The following RBFOX3 variants were observed in gnomAD, a reference collection of about 807,000 sequenced individuals.
RBFOX3 encodes the protein RNA binding protein fox-1 homolog 3.
A neutral mutation model predicts 48.7 loss-of-function variants in RBFOX3; 17 were observed. The ratio of observed to expected loss-of-function variants is 0.35; its 90% CI spans 0.24 to 0.52. The LOEUF (loss-of-function observed/expected upper bound fraction) is 0.52, where lower values mean the gene tolerates loss of function less well. RBFOX3 is among the 20% of genes least tolerant of loss of function. RBFOX3 has a pLI of 0.94. For missense variants in RBFOX3, 382 were observed against 497.5 expected (o/e 0.77, Z 2.21); for synonymous variants, 212 against 209.5 (o/e 1.01, Z -0.10).
chr17:79,095,978 A>G (rs1465651425), intron 12 of RBFOX3, among the ~76,000 whole-genome samples: 1 of 152,212 alleles, frequency 6.6e-6, no homozygotes, highest in Non-Finnish European at 1.5e-5. Context: ...CCTGACTTGG[A>G]TGCTGAGGGG....
intron 2 of RBFOX3, among the ~76,000 whole-genome samples, chr17:79,401,128 G>A (rs1302810017): frequency 1.3e-5 from 2 of 152,238 alleles, no homozygotes; most frequent in Non-Finnish European, 2.9e-5. Context: ...CGCTTCTGGA[G>A]CTGCTTCTAG....
the RBFOX3 span, among the ~76,000 whole-genome samples, chr17:79,640,712 C>T: frequency 1.3e-5 from 2 of 152,148 alleles, no homozygotes; most frequent in Non-Finnish European, 2.9e-5. Context: ...AAAGGCTAAT[C>T]TCTTTAATAA....
At chr17:79,644,115 T>C in the RBFOX3 span, among the ~76,000 whole-genome samples, 2 of 152,174 alleles carry the variant, frequency 1.3e-5, no homozygotes, top group Admixed American at 1.3e-4. Flanking sequence ...GAGATGGACA[T>C]ATTTCTGAAA....
chr17:79,475,460 C>G (rs962867433), intron 2 of RBFOX3, among the ~76,000 whole-genome samples: 1 of 152,146 alleles, frequency 6.6e-6, no homozygotes, highest in Non-Finnish European at 1.5e-5. Context: ...GTTCATCTTC[C>G]TCCCTGGCAG....
chr17:79,097,608 TCA>T lies in RBFOX3; in HGVS notation c.622+82_622+83del. 11 of 488,884 alleles carry T rather than the reference TCA, an allele frequency of 2.3e-5. No homozygotes were observed. In the Admixed American group the frequency reaches 3.2e-4, roughly 14 times the overall value. The allele number at this position is 488,884 out of a possible 1,614,324, so 30.3% of individuals were successfully genotyped here. ...GGGACGGCCCACCTGGCCCCGCCCC[TCA>T]TGCCCCGCCCCCAGAGCCCCCGGAG... On this transcript the variant is annotated intron_variant, in intron 10 of 14. Coordinates refer to ENST00000693108, the MANE Select transcript of RBFOX3 (RefSeq NM_001350451.2).
At chr17:79,165,515 G>A (rs1000413977) in intron 4 of RBFOX3, among the ~76,000 whole-genome samples, 1 of 152,166 alleles carries the variant, frequency 6.6e-6, no homozygotes, top group African/African-American at 2.4e-5. Context: ...GGCAGAGCTG[G>A]CAGGTGCACA....
chr17:79,102,164 C>T lies in RBFOX3; in HGVS notation c.508-520G>A, dbSNP rs183980142. Among the ~76,000 whole-genome samples the T allele has an allele frequency of 2.5e-3, 382 of 152,316 alleles. 6 individuals are homozygous for T. Among genetic ancestry groups the T allele is most frequent in the Middle Eastern group, 0.01 (3 of 294 alleles). On this transcript the variant is annotated intron_variant, in intron 8 of 14. Transcript: ENST00000693108. ...CCCGTGTGCCCCTGGAGGACGAGGCCGACAGGGAGGGGGGCTCTGGGCACG... is the reference window on the plus strand; with the variant it reads ...CCCGTGTGCCCCTGGAGGACGAGGCTGACAGGGAGGGGGGCTCTGGGCACG...
At chr17:79,542,538 C>A (rs1234261111) in intron 1 of RBFOX3, among the ~76,000 whole-genome samples, 1 of 152,166 alleles carries the variant, frequency 6.6e-6, no homozygotes, top group Non-Finnish European at 1.5e-5. Context: ...AATCCCAGCA[C>A]TCTGGGAGGC....
At chr17:79,403,575 T>C (rs1466121642) in intron 2 of RBFOX3, among the ~76,000 whole-genome samples, 1 of 152,160 alleles carries the variant, frequency 6.6e-6, no homozygotes, top group Non-Finnish European at 1.5e-5. Context: ...GTCTAGCCAC[T>C]GAGGGCTGTG....
intron 1 of RBFOX3, among the ~76,000 whole-genome samples, chr17:79,545,413 C>T (rs113738344): frequency 0.04 from 6,139 of 152,260 alleles, 293 homozygotes; most frequent in African/African-American, 0.12. Flanking sequence ...GGCTGAGGAG[C>T]CGGCCACAGG....
At chr17:79,349,408 G>A (rs1384202493) in intron 2 of RBFOX3, among the ~76,000 whole-genome samples, 1 of 151,890 alleles carries the variant, frequency 6.6e-6, no homozygotes, top group Non-Finnish European at 1.5e-5. Context: ...TATTGCTCCT[G>A]CTTCTGTCTG....
intron 4 of RBFOX3, among the ~76,000 whole-genome samples, chr17:79,182,580 G>A (rs1173755014): frequency 6.6e-6 from 1 of 150,736 alleles, no homozygotes; most frequent in African/African-American, 2.4e-5. Context: ...CTGATGCTCT[G>A]TGCGCACCTC....
chr17:79,605,323 G>T (rs2093802177), intron 1 of RBFOX3, among the ~76,000 whole-genome samples: 1 of 152,130 alleles, frequency 6.6e-6, no homozygotes, highest in Admixed American at 6.5e-5. Context: ...AACTGTTCAG[G>T]GGCTGGCTGG....
chr17:79,293,983 G>A (rs567342904), intron 3 of RBFOX3, among the ~76,000 whole-genome samples: 1 of 152,172 alleles, frequency 6.6e-6, no homozygotes, highest in Non-Finnish European at 1.5e-5. Context: ...GTCAACTAGG[G>A]CAGGGGAAGC....
At chr17:79,170,224 C>T (rs1240512985) in intron 4 of RBFOX3, among the ~76,000 whole-genome samples, 2 of 145,012 alleles carry the variant, frequency 1.4e-5, no homozygotes. Flanking sequence ...TGCAGTAGGG[C>T]TCAGGCCAGA....
chr17:79,607,666 C>T (rs2093864892), intron 1 of RBFOX3, among the ~76,000 whole-genome samples: 1 of 152,220 alleles, frequency 6.6e-6, no homozygotes, highest in Non-Finnish European at 1.5e-5. Context: ...GGCCCCTGCC[C>T]TCAGCAGCAA....
intron 2 of RBFOX3, among the ~76,000 whole-genome samples, chr17:79,320,016 C>G (rs554814194): frequency 1.6e-4 from 23 of 146,966 alleles, no homozygotes; most frequent in African/African-American, 5.6e-4. Context: ...GCTGCTGGTC[C>G]TTTCTGGGCT....
At chr17:79,557,526 G>A (rs980872095) in intron 1 of RBFOX3, among the ~76,000 whole-genome samples, 6 of 152,344 alleles carry the variant, frequency 3.9e-5, no homozygotes, top group South Asian at 2.1e-4. Context: ...GGAGCCCGGC[G>A]GTGGTGGGGG....
chr17:79,400,766 T>G (rs1400431015), intron 2 of RBFOX3, among the ~76,000 whole-genome samples: 1 of 152,202 alleles, frequency 6.6e-6, no homozygotes, highest in African/African-American at 2.4e-5. Context: ...CACCCCTTTT[T>G]GGGGGCACCT....
Sources: gnomAD v4.1 joint callset for allele counts (sites outside exome capture counted in the v4.1 genomes callset) on GRCh38, gnomAD v4.1.1 for gene constraint, MANE v1.5 for transcripts, NCBI Gene and HGNC (gene_info 2026-07-23, HGNC 2026-07-21) for gene names.